Variants in DOCK1 observed in about 807,000 individuals in gnomAD.
DOCK1 encodes the protein dedicator of cytokinesis protein 1.
Under a neutral mutation model 262.7 loss-of-function variants are expected in DOCK1, and 138 were observed. The ratio of observed to expected loss-of-function variants is 0.53; its 90% CI spans 0.46 to 0.61. DOCK1 has a LOEUF of 0.61. Among genes scored for constraint, DOCK1 ranks in the 20% least tolerant of loss-of-function variants. DOCK1 has a pLI of 0.00. For missense variants in DOCK1, 1,908 were observed against 2,370.7 expected (o/e 0.80, Z 4.05); for synonymous variants, 866 against 867.4 (o/e 1.00, Z 0.03).
rs1476355961 is a variant in DOCK1, at chr10:127,012,239, T to C, written c.1066T>C (p.Leu356=). The change falls in exon 12 of 52, where the codon TTG becomes CTG. Residue 356 remains leucine, a synonymous_variant. Coordinates refer to ENST00000623213, the MANE Select transcript of DOCK1 (RefSeq NM_001290223.2). This position sits in a 1 kb window ranked among gnomAD's most constrained non-coding sequence, Gnocchi z 4.0. The stretch of plus-strand genomic sequence containing the variant: ...TCGTCCCGTGCCCTCCAGGCTCGCG[T>C]TGGACGACGCCATTCGACACAAGCC... ...QHFIPFQPLA[L]DDAIRHKPLN... is the part of the protein sequence containing the mutation. The C allele has an allele frequency of 6.3e-7, 1 of 1,591,674 alleles. No homozygotes were observed. The highest frequency in any genetic ancestry group is 8.6e-7 in the Non-Finnish European group (1 of 1,159,768).
intron 15 of DOCK1, 88 bp downstream of exon 15, chr10:127,024,871 G>T: frequency 1.7e-6 from 2 of 1,180,010 alleles, no homozygotes; most frequent in Non-Finnish European, 2.3e-6. Context: ...ATCCTCCTCA[G>T]CCCGGGAGCT....
chr10:127,102,724 C>A (rs1472983160), intron 23 of DOCK1, among the ~76,000 whole-genome samples: 1 of 152,254 alleles, frequency 6.6e-6, no homozygotes, highest in East Asian at 1.9e-4. Flanking sequence ...CCTGTACTCC[C>A]AGCTATTCAG....
rs1486840733 is a variant in DOCK1, at chr10:126,996,781, A to C, written c.507A>C (p.Glu169Asp). 6.2e-7 allele frequency: 1 copy of C among 1,612,474 alleles called. No homozygotes were observed. Among genetic ancestry groups the C allele is most frequent in the Admixed American group, 1.7e-5 (1 of 59,604 alleles). The change falls in exon 7 of 52, where the codon GAA becomes GAC. Residue 169 changes from glutamate (E) to aspartate (D), a missense_variant. Glu to Asp is a conservative substitution (Grantham distance 45, BLOSUM62 2). Coordinates refer to ENST00000623213, the MANE Select transcript of DOCK1 (RefSeq NM_001290223.2). Reference protein sequence around the residue: ...ILDLDLVVRDEDGNILDPELT... With the variant: ...ILDLDLVVRDDDGNILDPELT... ...ATTTGGACCTGGTGGTTAGAGATGA[A>C]GATGGGAATATTTTGGATCCAGAAT...
intron 23 of DOCK1, among the ~76,000 whole-genome samples, chr10:127,086,266 C>A (rs1419672340): frequency 6.7e-6 from 1 of 150,232 alleles, no homozygotes; most frequent in African/African-American, 2.4e-5. Context: ...GGAACTTAGT[C>A]TTCATTATGT....
At chr10:127,110,378 T>A in intron 25 of DOCK1, 24 bp downstream of exon 25, 1 of 1,584,060 alleles carries the variant, frequency 6.3e-7, no homozygotes, top group Non-Finnish European at 8.6e-7. Flanking sequence ...CAAGAATTAT[T>A]CACTTGTCCT....
At chr10:126,965,352 G>A (rs938019054) in intron 1 of DOCK1, among the ~76,000 whole-genome samples, 2 of 152,152 alleles carry the variant, frequency 1.3e-5, no homozygotes, top group Admixed American at 1.3e-4. Context: ...GGAGGGTGAG[G>A]GGGCTGAGAT....
At chr10:127,277,192 C>G (rs2060773658) in intron 29 of DOCK1, among the ~76,000 whole-genome samples, 1 of 152,078 alleles carries the variant, frequency 6.6e-6, no homozygotes, top group African/African-American at 2.4e-5. Flanking sequence ...AAAAAATTCT[C>G]CATTTAAAAA....
chr10:127,286,708 T>C (rs1233683866), intron 29 of DOCK1, among the ~76,000 whole-genome samples: 1 of 152,172 alleles, frequency 6.6e-6, no homozygotes, highest in East Asian at 1.9e-4. Flanking sequence ...TAAGAATTTT[T>C]TAACACCTCT....
Position 127,175,354 on chromosome 10 carries a change from G to A in DOCK1, c.2847+47590G>A, listed in dbSNP as rs1223237561. On this transcript the variant is annotated intron_variant, in intron 27 of 51. Coordinates refer to ENST00000623213, the MANE Select transcript of DOCK1 (RefSeq NM_001290223.2). This position sits in a 1 kb window ranked among gnomAD's most constrained non-coding sequence, Gnocchi z 6.3. ...ACCACTTCCGTATGAGGCACGATTC[G>A]TTGGCATTCTTCACCTGCAGCAACC... 7 of 1,614,090 alleles carry A rather than the reference G, an allele frequency of 4.3e-6. No individual in the cohort carries two copies. The highest frequency in any genetic ancestry group is 3.3e-5 in the South Asian group (3 of 91,080).
chr10:127,354,549 T>A (rs1472622007), intron 31 of DOCK1, 120 bp from the exon 32 acceptor site: 5 of 1,130,706 alleles, frequency 4.4e-6, no homozygotes, highest in Non-Finnish European at 6.4e-6. Context: ...GTTGAAGCTT[T>A]GACACTCTCT....
intron 10 of DOCK1, 177 bp downstream of exon 10, chr10:127,000,484 C>A: frequency 1.1e-6 from 1 of 894,040 alleles, no homozygotes; most frequent in Non-Finnish European, 1.6e-6. Flanking sequence ...ACCTGCTAGG[C>A]TCAGGATGCT....
At position 127,175,320 on chromosome 10, in the gene DOCK1, T is replaced by C. The variant is rs1252960838; in HGVS notation, c.2847+47556T>C. 19 of 1,614,032 alleles carry C rather than the reference T, an allele frequency of 1.2e-5. No homozygotes were observed. Among genetic ancestry groups the C allele is most frequent in the Non-Finnish European group, 1.5e-5 (18 of 1,180,032 alleles). ...GTTCTCCATCATCTGAAGTTGTGCTTTGAGGTCGACCACTTCCGTATGAGG... is the reference window on the plus strand; with the variant it reads ...GTTCTCCATCATCTGAAGTTGTGCTCTGAGGTCGACCACTTCCGTATGAGG... On this transcript the variant is annotated intron_variant, in intron 27 of 51. Coordinates refer to ENST00000623213, the MANE Select transcript of DOCK1 (RefSeq NM_001290223.2). This position sits in a 1 kb window ranked among gnomAD's most constrained non-coding sequence, Gnocchi z 6.3.
Position 127,019,829 on chromosome 10 carries a change from T to C in DOCK1, c.1327+994T>C, listed in dbSNP as rs58157347. On this transcript the variant is annotated intron_variant, in intron 13 of 51. Transcript: ENST00000623213. ...GAGTGAATTCCTATCCAGATTAAACTGTAGCCTAAAGTCGCTCAGCTAATG... is the reference window on the plus strand; with the variant it reads ...GAGTGAATTCCTATCCAGATTAAACCGTAGCCTAAAGTCGCTCAGCTAATG... 7.9e-3 allele frequency among the ~76,000 whole-genome samples: 1,197 copies of C among 152,320 alleles called. 21 individuals are homozygous for C. The highest frequency in any genetic ancestry group is 0.026 in the African/African-American group (1,087 of 41,574).
At chr10:126,958,728 C>T (rs1170453106) in intron 1 of DOCK1, among the ~76,000 whole-genome samples, 1 of 152,138 alleles carries the variant, frequency 6.6e-6, no homozygotes, top group African/African-American at 2.4e-5. Context: ...GAGGAATCTT[C>T]TTCATTCTGA....
At chr10:127,368,642 G>A (rs540983530) in intron 33 of DOCK1, among the ~76,000 whole-genome samples, 9 of 152,132 alleles carry the variant, frequency 5.9e-5, no homozygotes, top group South Asian at 2.1e-4. Context: ...GGGTCTTCGC[G>A]CCCCTTATCC....
intron 29 of DOCK1, among the ~76,000 whole-genome samples, chr10:127,293,148 G>A (rs568714188): frequency 5.3e-5 from 8 of 152,276 alleles, no homozygotes; most frequent in African/African-American, 1.9e-4. Flanking sequence ...TGGGAAGAGC[G>A]CTGCTGCTAG....
chr10:127,155,258 T>G (rs1271379815), intron 27 of DOCK1, among the ~76,000 whole-genome samples: 1 of 152,186 alleles, frequency 6.6e-6, no homozygotes, highest in Admixed American at 6.5e-5. Context: ...TTATATTGTC[T>G]GTTACATCAA....
intron 2 of DOCK1, among the ~76,000 whole-genome samples, chr10:126,974,592 C>G (rs999128503): frequency 1.3e-5 from 2 of 152,134 alleles, no homozygotes; most frequent in African/African-American, 4.8e-5. Context: ...GCCTCATCCC[C>G]TCTTTGCTGT....
rs1591702107 is a variant in DOCK1 at position 127,022,972 on chromosome 10, A to G, written c.1328-228A>G. ...TCCTCTGCCCAGATGATAACCAAGC[A>G]GATCATTGGAAACTTTGAGATTTTT... On this transcript the variant is annotated intron_variant, in intron 13 of 51. Coordinates refer to ENST00000623213, the MANE Select transcript of DOCK1 (RefSeq NM_001290223.2). Among the ~76,000 whole-genome samples the G allele has an allele frequency of 2.0e-5, 3 of 152,328 alleles. 1 individual carries two copies. In the East Asian group the frequency reaches 5.8e-4, roughly 29 times the overall value.
Sources: gnomAD v4.1 joint callset for allele counts (sites outside exome capture counted in the v4.1 genomes callset) on GRCh38, gnomAD v4.1.1 for gene constraint, Gnocchi (gnomAD v3.1) non-coding constraint, MANE v1.5 for transcripts, NCBI Gene and HGNC (gene_info 2026-07-23, HGNC 2026-07-21) for gene names.